The following ZP3 variants were observed in gnomAD, a reference collection of about 807,000 sequenced individuals.
The protein encoded by ZP3 is zona pellucida sperm-binding protein 3.
ZP3 carries 21 observed loss-of-function variants against 35.6 expected under a neutral mutation model. The observed-to-expected ratio is 0.59, with a 90% CI of 0.42 to 0.85. The LOEUF is 0.85. ZP3 is among the 40% of genes least tolerant of loss of function. The pLI, the probability that ZP3 is intolerant of heterozygous loss-of-function variation, is 0.00. For synonymous variants in ZP3, 207 were observed against 214.5 expected (o/e 0.96, Z 0.31); for missense variants, 437 against 536.5 (o/e 0.81, Z 1.83).
upstream of ZP3, among the ~76,000 whole-genome samples, chr7:76,422,084 C>T (rs546546129): frequency 2.0e-5 from 3 of 151,984 alleles, no homozygotes; most frequent in Non-Finnish European, 2.9e-5. Flanking sequence ...TTAGTAGAGA[C>T]GGGGTTTCTC....
At chr7:76,440,898 A>T (rs1215267974) in intron 7 of ZP3, among the ~76,000 whole-genome samples, 1 of 151,992 alleles carries the variant, frequency 6.6e-6, no homozygotes, top group African/African-American at 2.4e-5. Context: ...CTGGCTTGGC[A>T]TAGTGGCTCA....
At chr7:76,409,329 A>ATGT (rs879336374) in intron 1 of ZP3, 628 of 47,250 alleles carry the variant, frequency 0.013, 5 homozygotes, top group African/African-American at 0.04. Context: ...TGTCTCACAC[A>ATGT]CACACACACA....
In ZP3 at chr7:76,401,022, G is replaced by A. The variant is rs557227426; in HGVS notation, c.-67+3225G>A. ...GGGGCACCTACCTTGAAAGGGCAGT[G>A]GAGTGGGCTGTAGGGCGCTGGCTGA... is the stretch of plus-strand genomic sequence containing the variant. On this transcript the variant is annotated intron_variant, in intron 1 of 8. Transcript: ENST00000336517. The A allele has an allele frequency of 2.5e-5, 39 of 1,550,302 alleles. No individual in the cohort carries two copies. Among genetic ancestry groups the A allele is most frequent in the South Asian group, 2.1e-4 (18 of 83,864 alleles).
At chr7:76,426,974 A>T (rs1319950938) in intron 1 of ZP3, among the ~76,000 whole-genome samples, 4 of 151,554 alleles carry the variant, frequency 2.6e-5, no homozygotes, top group African/African-American at 9.7e-5. Context: ...AGGATTGCTT[A>T]AACCCATGAT....
intron 1 of ZP3, among the ~76,000 whole-genome samples, chr7:76,427,234 TG>T (rs1262669122): frequency 6.6e-6 from 1 of 151,994 alleles, no homozygotes; most frequent in East Asian, 1.9e-4. Context: ...CACCTGCGGC[TG>T]GCCGTGCGCA....
intron 1 of ZP3, among the ~76,000 whole-genome samples, chr7:76,418,563 A>G (rs2115859923): frequency 7.2e-6 from 1 of 138,974 alleles, no homozygotes; most frequent in Admixed American, 7.2e-5. Context: ...AAAAAAAAAA[A>G]AAAAAAAAAA....
chr7:76,415,652 A>G (rs62476846), intron 1 of ZP3, among the ~76,000 whole-genome samples: 2 of 149,436 alleles, frequency 1.3e-5, no homozygotes, highest in African/African-American at 2.5e-5. Flanking sequence ...CGCCACCACA[A>G]CCGGCTAATT....
rs182977240 is a variant in ZP3 at position 76,429,565 on chromosome 7, C to T, written c.363C>T (p.Arg121=). Residue 121 remains arginine, a synonymous_variant, in exon 2 of 8, where the codon CGC becomes CGT. Transcript: ENST00000394857. ...GCACCTTCCTGCTCCATGACCCCCG[C>T]CCCGTGGGAAACCTGTCCATCGTGA... ...VYSTFLLHDP[R]PVGNLSIVRT... 69 of 1,614,102 alleles carry T rather than the reference C, an allele frequency of 4.3e-5. 1 individual carries two copies. The Admixed American group carries it at 7.8e-4, about 18-fold the overall frequency.
At chr7:76,419,767 T>TCCCCTCCTCCTCCTCCTCCTCCTC (rs1805463067) in intron 1 of ZP3, among the ~76,000 whole-genome samples, 1 of 117,880 alleles carries the variant, frequency 8.5e-6, no homozygotes, top group East Asian at 2.7e-4. Context: ...TTTTTCCCCC[T>TCCCCTCCTCCTCCTCCTCCTCCTC]CCCCTCCTCC....
intron 1 of ZP3, among the ~76,000 whole-genome samples, chr7:76,401,223 G>T (rs1435759352): frequency 6.6e-6 from 1 of 151,862 alleles, no homozygotes; most frequent in Non-Finnish European, 1.5e-5. Context: ...TGGCTTCCCT[G>T]CCTCACCCCT....
At chr7:76,404,564 G>A in intron 1 of ZP3, 4 of 1,438,024 alleles carry the variant, frequency 2.8e-6, no homozygotes, top group Non-Finnish European at 3.8e-6. Context: ...GGCCGAGGTG[G>A]GAGGATTGCT....
At chr7:76,431,518 G>T (rs909499107) in intron 2 of ZP3, among the ~76,000 whole-genome samples, 1 of 152,146 alleles carries the variant, frequency 6.6e-6, no homozygotes, top group Admixed American at 6.5e-5. Context: ...CAGATACCCA[G>T]ACCTGCTTCC....
intron 1 of ZP3, among the ~76,000 whole-genome samples, chr7:76,415,396 G>A (rs898299971): frequency 7.5e-6 from 1 of 134,214 alleles, no homozygotes; most frequent in Non-Finnish European, 1.6e-5. Context: ...GAATGATTCA[G>A]CACAAACTAT....
At chr7:76,424,870 G>A, upstream of ZP3, 1 of 1,214,548 alleles carries the variant, frequency 8.2e-7, no homozygotes, top group Non-Finnish European at 1.1e-6. Context: ...CTAGGGAAGG[G>A]AGGCAGCTGA....
At chr7:76,421,659 A>G (rs577466152), upstream of ZP3, among the ~76,000 whole-genome samples, 13 of 151,692 alleles carry the variant, frequency 8.6e-5, no homozygotes, top group South Asian at 6.3e-4. Flanking sequence ...CAGTGGCGCA[A>G]TCTCGGCTCA....
chr7:76,435,498 G>A (rs1754210), intron 5 of ZP3, among the ~76,000 whole-genome samples: 1 of 148,968 alleles, frequency 6.7e-6, no homozygotes, highest in Non-Finnish European at 1.5e-5. Context: ...GAGGTGAGGC[G>A]GTGAGCTTAG....
chr7:76,425,073 A>G lies in ZP3; in HGVS notation c.109A>G (p.Thr37Ala). ...LLQGGASHPE[T>A]SVQPVLVECQ... Reference sequence around the variant, plus strand: ...GCAGGGTGGAGCCAGCCATCCTGAGACGTCCGTACAGCCCGTACTGGTGGA... The same window carrying G: ...GCAGGGTGGAGCCAGCCATCCTGAGGCGTCCGTACAGCCCGTACTGGTGGA... The change falls in exon 1 of 8, where the codon ACG becomes GCG. Residue 37 changes from threonine to alanine, a missense_variant. This residue lies in a region of ZP3 where 352 missense variants were observed against 308.4 expected (regional missense o/e 1.14). Transcript: ENST00000394857. 6.2e-7 allele frequency: 1 copy of G among 1,613,286 alleles called. No homozygotes were observed. The highest frequency in any genetic ancestry group is 8.5e-7 in the Non-Finnish European group (1 of 1,179,848).
chr7:76,398,910 G>A, intron 1 of ZP3: 1 of 1,069,216 alleles, frequency 9.4e-7, no homozygotes, highest in Non-Finnish European at 1.4e-6. Flanking sequence ...CAGAGCCTCT[G>A]GCCACACAAA....
At chr7:76,432,179 A>G (rs1563700703) in intron 2 of ZP3, among the ~76,000 whole-genome samples, 2 of 149,540 alleles carry the variant, frequency 1.3e-5, no homozygotes, top group South Asian at 4.2e-4. Context: ...ATGCCCAGCT[A>G]TCTTTTCTTT....
Sources: allele counts gnomAD v4.1 joint callset (sites outside exome capture counted in the v4.1 genomes callset), GRCh38; gene constraint gnomAD v4.1.1; regional missense constraint gnomAD v4.1.1; transcripts MANE v1.5; gene names NCBI Gene and HGNC (gene_info 2026-07-23, HGNC 2026-07-21).